The following RSRC2 variants were observed in gnomAD, a reference collection of about 807,000 sequenced individuals.
The protein encoded by RSRC2 is arginine/serine-rich coiled-coil protein 2.
In RSRC2, 5 loss-of-function variants were observed where a neutral mutation model predicts 61.3. The ratio of observed to expected loss-of-function variants is 0.08; its 90% CI spans 0.04 to 0.17. RSRC2 has a LOEUF of 0.17. Among genes scored for constraint, RSRC2 ranks in the 10% least tolerant of loss-of-function variants. RSRC2 has a pLI of 1.00. For synonymous variants in RSRC2, 202 were observed against 166.5 expected (o/e 1.21, Z -1.64); for missense variants, 381 against 518.8 (o/e 0.73, Z 2.58).
At chr12:122,509,737 G>C (rs780607992) in intron 7 of RSRC2, among the ~76,000 whole-genome samples, 1 of 152,126 alleles carries the variant, frequency 6.6e-6, no homozygotes, top group Non-Finnish European at 1.5e-5. Context: ...AAGTGCCACT[G>C]TTTACCAAAA....
At chr12:122,522,561 A>ATGGGG (rs1053520406) in intron 1 of RSRC2, 1 of 234,370 alleles carries the variant, frequency 4.3e-6, no homozygotes, top group Non-Finnish European at 8.3e-6. Context: ...CTTTTAAAAC[A>ATGGGG]TGGGGTGGGG....
In RSRC2 at chr12:122,503,766, GGTTT is replaced by G. The variant is rs972224934; in HGVS notation, c.*1757_*1760del. 1 of 152,154 alleles carries G rather than the reference GGTTT, an allele frequency of 6.6e-6. No homozygotes were observed. The highest frequency in any genetic ancestry group is 2.4e-5 in the African/African-American group (1 of 41,442). 9.4% of individuals were successfully genotyped at this position (152,154 alleles called of 1,614,324 possible). ...ATTTCTGTGCTCTGGGAAAATGAAA[GGTTT>G]ATTAAAGTACATTAAAAATCTTACA... On this transcript the variant is annotated 3_prime_UTR_variant, in exon 10 of 10. Coordinates refer to ENST00000331738, the MANE Select transcript of RSRC2 (RefSeq NM_023012.6).
At chr12:122,505,755 ATT>A in intron 9 of RSRC2, 49 bp from the exon 10 acceptor site, 1 of 1,471,408 alleles carries the variant, frequency 6.8e-7, no homozygotes, top group Non-Finnish European at 9.3e-7. Flanking sequence ...GGAGATAAAT[ATT>A]CTCTCACTTG....
Position 122,518,870 on chromosome 12 carries a change from T to C in RSRC2, c.367A>G (p.Arg123Gly), listed in dbSNP as rs1412655392. 6.2e-7 allele frequency: 1 copy of C among 1,614,162 alleles called. No individual in the cohort carries two copies. The highest frequency in any genetic ancestry group is 1.7e-5 in the Admixed American group (1 of 60,030). The change falls in exon 4 of 10, where the codon AGA (arginine) becomes GGA (glycine). Residue 123 changes from arginine (R) to glycine (G), a missense_variant. Physicochemically the swap from Arg to Gly is moderately radical, Grantham distance 125. This residue lies in a region of RSRC2 where 266 missense variants were observed against 270.5 expected (regional missense o/e 0.98). Coordinates refer to ENST00000331738, the MANE Select transcript of RSRC2 (RefSeq NM_023012.6). ...CGAGACCTAGATCTTGAGTGACTTC[T>C]GCCTCTTGATGACTTTCTTTCTTTG... ...KRKERKSSRG[R>G]SHSRSRSRER...
At chr12:122,516,727 C>T (rs146683143) in intron 5 of RSRC2, among the ~76,000 whole-genome samples, 37 of 152,322 alleles carry the variant, frequency 2.4e-4, no homozygotes, top group African/African-American at 7.7e-4. Context: ...GGATTCACTC[C>T]TGTCACCCAG....
At chr12:122,524,687 G>A (rs1394910379) in intron 1 of RSRC2, among the ~76,000 whole-genome samples, 1 of 152,126 alleles carries the variant, frequency 6.6e-6, no homozygotes, top group Non-Finnish European at 1.5e-5. Context: ...AGGAATGATA[G>A]GTGGTCATTG....
chr12:122,523,625 C>G (rs926349328), intron 1 of RSRC2: 1 of 152,146 alleles, frequency 6.6e-6, no homozygotes, highest in Non-Finnish European at 1.5e-5. Flanking sequence ...AATAGGGAAT[C>G]GATAGTCTTC....
In RSRC2 at chr12:122,507,103, C is replaced by T. The variant is rs777610170; in HGVS notation, c.1036-180G>A. On this transcript the variant is annotated intron_variant, in intron 8 of 9. Coordinates refer to ENST00000331738, the MANE Select transcript of RSRC2 (RefSeq NM_023012.6). ...CAAAGAAATACAAGCAAGAGGTTGGCGCCGTGCTTCACTCCTATAATCCCA... is the reference window on the plus strand; with the variant it reads ...CAAAGAAATACAAGCAAGAGGTTGGTGCCGTGCTTCACTCCTATAATCCCA... 1.7e-4 allele frequency: 106 copies of T among 619,258 alleles called. 3 individuals are homozygous for T. Among genetic ancestry groups the T allele is most frequent in the South Asian group, 1.6e-3 (98 of 59,666 alleles). 38.4% of individuals were successfully genotyped at this position (619,258 alleles called of 1,614,324 possible).
In RSRC2 at chr12:122,505,683, G is replaced by C. The variant is rs773402201; in HGVS notation, c.1149C>G (p.Ser383Arg). ...GIKSEDEAGC[S>R]SVDEESYKTL... The stretch of plus-strand genomic sequence containing the variant: ...TCTTGTAACTTTCTTCATCAACTGA[G>C]CTACATCCAGCTTCATCTTCACTCT... The change falls in exon 10 of 10, where the codon AGC becomes AGG. Residue 383 changes from serine to arginine, a missense_variant. Around this residue, in one of 4 missense-constraint regions of RSRC2, gnomAD observed 78 missense variants for 183.0 expected, o/e 0.43. Coordinates refer to ENST00000331738, the MANE Select transcript of RSRC2 (RefSeq NM_023012.6). 6.2e-7 allele frequency: 1 copy of C among 1,613,750 alleles called. No individual in the cohort carries two copies.
chr12:122,526,822 G>A, intron 1 of RSRC2, 26 bp downstream of exon 1: 1 of 1,613,796 alleles, frequency 6.2e-7, no homozygotes, highest in Non-Finnish European at 8.5e-7. Flanking sequence ...AATATCCCTG[G>A]CTTTAAACTC....
intron 3 of RSRC2, chr12:122,520,588 A>G: frequency 7.3e-7 from 1 of 1,362,816 alleles, no homozygotes; most frequent in Non-Finnish European, 9.8e-7. Context: ...CACGCTGAGT[A>G]TGATTTATTA....
At chr12:122,508,541 A>G (rs1030970938) in intron 7 of RSRC2, 94 bp from the exon 8 acceptor site, 2 of 1,018,476 alleles carry the variant, frequency 2.0e-6, no homozygotes, top group African/African-American at 3.3e-5. Context: ...AAAGCTATGA[A>G]TGTGCAAAAA....
Position 122,515,134 on chromosome 12 carries a change from T to C in RSRC2, c.696A>G (p.Ala232=). The change falls in exon 6 of 10, where the codon GCA becomes GCG. Residue 232 remains alanine, a synonymous_variant. Coordinates refer to ENST00000331738, the MANE Select transcript of RSRC2 (RefSeq NM_023012.6). ...TAGCTAAAGCTTCCTGTGCATCCAT[T>C]GCTGTGTTTCTGCCTCTGAAGGGAG... The part of the protein sequence containing the change: ...SPPPFRGRNT[A]MDAQEALARR... The C allele has an allele frequency of 6.2e-7, 1 of 1,614,168 alleles. No individual in the cohort carries two copies. The highest frequency in any genetic ancestry group is 8.5e-7 in the Non-Finnish European group (1 of 1,180,018).
Position 122,504,232 on chromosome 12 carries a change from A to G in RSRC2, c.*1295T>C, listed in dbSNP as rs1499681. 0.12 allele frequency: 18,444 copies of G among 152,212 alleles called. 1,269 individuals are homozygous for G. The highest frequency in any genetic ancestry group is 0.18 in the African/African-American group (7,309 of 41,488). The allele number at this position is 152,212 out of a possible 1,614,324, so 9.4% of individuals were successfully genotyped here. On this transcript the variant is annotated 3_prime_UTR_variant, in exon 10 of 10. Transcript: ENST00000331738. ...GTTTTCCAAAGGATTTTTCAAAGGA[A>G]AGCCAAACCTTATTACTTTGCTGTA...
chr12:122,508,752 T>C (rs1020140160), intron 7 of RSRC2, among the ~76,000 whole-genome samples: 13 of 151,374 alleles, frequency 8.6e-5, no homozygotes, highest in Admixed American at 5.3e-4. Context: ...AGGTTGGGAG[T>C]TCGAGACCAG....
intron 4 of RSRC2, 26 bp downstream of exon 4, chr12:122,518,813 C>T (rs1348877196): frequency 1.9e-6 from 3 of 1,565,208 alleles, no homozygotes; most frequent in Admixed American, 1.7e-5. Context: ...TTAGAAGGTA[C>T]TACATTATAA....
intron 3 of RSRC2, 117 bp downstream of exon 3, chr12:122,521,267 AC>A: frequency 1.5e-6 from 1 of 667,936 alleles, no homozygotes; most frequent in South Asian, 2.2e-5. Flanking sequence ...AACCCAATAA[AC>A]CTTTTAAATT....
chr12:122,507,028 C>G, intron 8 of RSRC2, 105 bp from the exon 9 acceptor site: 1 of 693,330 alleles, frequency 1.4e-6, no homozygotes. Context: ...CCATGGATAG[C>G]ATTCAATCAA....
intron 8 of RSRC2, among the ~76,000 whole-genome samples, chr12:122,507,546 C>G (rs1442651346): frequency 6.7e-6 from 1 of 150,360 alleles, no homozygotes; most frequent in African/African-American, 2.4e-5. Context: ...AAATTCTAAA[C>G]CAAGTAGCCT....
Sources: gnomAD v4.1 joint callset for allele counts (sites outside exome capture counted in the v4.1 genomes callset) on GRCh38, gnomAD v4.1.1 for gene constraint, gnomAD v4.1.1 regional missense constraint, MANE v1.5 for transcripts, NCBI Gene and HGNC (gene_info 2026-07-23, HGNC 2026-07-21) for gene names.